Variants in MGMT observed in about 807,000 individuals in gnomAD.
MGMT encodes the protein methylated-DNA--protein-cysteine methyltransferase.
In MGMT, 14 loss-of-function variants were observed where a neutral mutation model predicts 15.9. The observed-to-expected ratio is 0.88, with a 90% CI of 0.58 to 1.37. MGMT has a LOEUF of 1.37. Ranked by LOEUF, MGMT falls within the 40% of genes most tolerant of loss-of-function variation. MGMT has a pLI of 0.00. For missense variants in MGMT, 282 were observed against 268.1 expected (o/e 1.05, Z -0.36); for synonymous variants, 130 against 118.2 (o/e 1.10, Z -0.65).
At chr10:129,518,349 C>CACAT (rs1845763620) in intron 1 of MGMT, among the ~76,000 whole-genome samples, 1 of 149,058 alleles carries the variant, frequency 6.7e-6, no homozygotes. Flanking sequence ...CACACACACA[C>CACAT]ACACACACAC....
At chr10:129,470,569 G>A (rs1169963927) in intron 1 of MGMT, among the ~76,000 whole-genome samples, 1 of 152,174 alleles carries the variant, frequency 6.6e-6, no homozygotes, top group Non-Finnish European at 1.5e-5. Flanking sequence ...AGTGGCTTTG[G>A]CAGGTGTGGA....
chr10:129,701,935 G>A (rs1166220427), intron 2 of MGMT: 3 of 152,182 alleles, frequency 2.0e-5, no homozygotes, highest in African/African-American at 7.2e-5. Context: ...CTTTTCCCTG[G>A]AATAGCTGCT....
chr10:129,484,929 T>TTA (rs1031032521), intron 1 of MGMT, among the ~76,000 whole-genome samples: 4 of 152,034 alleles, frequency 2.6e-5, no homozygotes, highest in Admixed American at 1.3e-4. Context: ...TGTGTGTGTA[T>TTA]TATATATATG....
At chr10:129,706,486 A>G (rs1848164091) in intron 2 of MGMT, among the ~76,000 whole-genome samples, 1 of 152,126 alleles carries the variant, frequency 6.6e-6, no homozygotes, top group Non-Finnish European at 1.5e-5. Context: ...CGTCCACAGC[A>G]TCCACAGTGC....
At chr10:129,685,786 G>T (rs893571966) in intron 2 of MGMT, among the ~76,000 whole-genome samples, 1 of 152,188 alleles carries the variant, frequency 6.6e-6, no homozygotes, top group South Asian at 2.1e-4. Context: ...GAGATGGGCA[G>T]GTACACCTCA....
intron 1 of MGMT, among the ~76,000 whole-genome samples, chr10:129,520,423 C>T (rs370687355): frequency 6.6e-5 from 10 of 152,142 alleles, no homozygotes; most frequent in East Asian, 1.9e-4. Flanking sequence ...TCCTACCGTG[C>T]GCATACAGAG....
chr10:129,524,000 A>G (rs1222286821), intron 1 of MGMT, among the ~76,000 whole-genome samples: 1 of 152,138 alleles, frequency 6.6e-6, no homozygotes, highest in Non-Finnish European at 1.5e-5. Flanking sequence ...GCATCTCTTG[A>G]TGGCAAGTGT....
rs2133185283 is a variant in MGMT, at chr10:129,759,320, A to C, written c.393A>C (p.Gly131=). The C allele has an allele frequency of 6.2e-7, 1 of 1,614,184 alleles. No individual in the cohort carries two copies. The highest frequency in any genetic ancestry group is 8.5e-7 in the Non-Finnish European group (1 of 1,180,020). The change falls in exon 4 of 5, where the codon GGA becomes GGC. Residue 131 remains glycine, a synonymous_variant. Transcript: ENST00000651593. ...ACCCCAAAGCCGCGCGAGCAGTGGG[A>C]GGAGCAATGAGAGGCAATCCTGTGA... ...AGNPKAARAV[G]GAMRGNPVPI...
At chr10:129,539,060 G>A (rs536521468) in intron 2 of MGMT, among the ~76,000 whole-genome samples, 25 of 152,290 alleles carry the variant, frequency 1.6e-4, no homozygotes, top group Admixed American at 1.6e-3. Flanking sequence ...CAAGTTGGAG[G>A]CCTGCTTTTT....
At chr10:129,567,164 C>T (rs529616362) in intron 2 of MGMT, among the ~76,000 whole-genome samples, 32 of 152,330 alleles carry the variant, frequency 2.1e-4, no homozygotes, top group African/African-American at 7.5e-4. Context: ...CGGACTCCCA[C>T]TGCGTTCAGC....
chr10:129,739,440 C>T (rs540512951), intron 3 of MGMT, among the ~76,000 whole-genome samples: 36 of 152,192 alleles, frequency 2.4e-4, no homozygotes, highest in African/African-American at 4.3e-4. Context: ...TTTTTATTTT[C>T]GAAAAAATTA....
intron 2 of MGMT, among the ~76,000 whole-genome samples, chr10:129,592,806 T>C (rs937666359): frequency 6.6e-6 from 1 of 152,076 alleles, no homozygotes; most frequent in African/African-American, 2.4e-5. Context: ...TAATCCTTTT[T>C]TTTTTTGGAA....
chr10:129,487,150 T>C (rs1330217825), intron 1 of MGMT, among the ~76,000 whole-genome samples: 1 of 152,096 alleles, frequency 6.6e-6, no homozygotes, highest in African/African-American at 2.4e-5. Flanking sequence ...TGACAAAGAA[T>C]AATTAGGTGC....
chr10:129,594,443 T>C (rs1379126209), intron 2 of MGMT, among the ~76,000 whole-genome samples: 1 of 152,232 alleles, frequency 6.6e-6, no homozygotes, highest in Non-Finnish European at 1.5e-5. Context: ...TGTTCAGTCT[T>C]ACACTGTGTT....
chr10:129,604,741 CCT>C (rs1357254052), intron 2 of MGMT, among the ~76,000 whole-genome samples: 27 of 66,010 alleles, frequency 4.1e-4, no homozygotes, highest in African/African-American at 8.7e-4. Flanking sequence ...CGCCCCACCC[CCT>C]CCCCCCGGCT....
chr10:129,559,504 AT>A (rs920403780), intron 2 of MGMT, among the ~76,000 whole-genome samples: 5 of 151,030 alleles, frequency 3.3e-5, no homozygotes, highest in Admixed American at 2.6e-4. Flanking sequence ...CCATTTTCCC[AT>A]TTTTTTTAAT....
In MGMT at chr10:129,532,464, C is replaced by T. The variant is rs370950951; in HGVS notation, c.-12-3777C>T. 3.9e-5 allele frequency among the ~76,000 whole-genome samples: 6 copies of T among 152,274 alleles called. No individual in the cohort carries two copies. Among genetic ancestry groups the T allele is most frequent in the East Asian group, 1.9e-4 (1 of 5,138 alleles). On this transcript the variant is annotated intron_variant, in intron 1 of 4. Transcript: ENST00000651593. The surrounding 1 kb of genome is among the most constrained non-coding windows in gnomAD (Gnocchi z 5.3). ...TGATAACCTTGAGGACTCCTCTCTC[C>T]GGGAGACTGTCGGGGCTAAGCTGCC...
intron 2 of MGMT, among the ~76,000 whole-genome samples, chr10:129,683,484 C>CA (rs1371381148): frequency 6.6e-6 from 1 of 152,174 alleles, no homozygotes. Flanking sequence ...GCTAGGCGTC[C>CA]ATACACATGG....
chr10:129,686,023 T>C (rs1475937265), intron 2 of MGMT, among the ~76,000 whole-genome samples: 1 of 152,232 alleles, frequency 6.6e-6, no homozygotes, highest in Non-Finnish European at 1.5e-5. Context: ...TTAACCGCCA[T>C]CCTTCATCTA....
Sources: allele counts gnomAD v4.1 joint callset (sites outside exome capture counted in the v4.1 genomes callset), GRCh38; gene constraint gnomAD v4.1.1; non-coding constraint Gnocchi (gnomAD v3.1); transcripts MANE v1.5; gene names NCBI Gene and HGNC (gene_info 2026-07-23, HGNC 2026-07-21).